EIPR1: variants seen among roughly 807,000 people sequenced by gnomAD.
EIPR1 encodes the protein EARP and GARP complex-interacting protein 1.
A neutral mutation model predicts 48.1 loss-of-function variants in EIPR1; 25 were observed. The ratio of observed to expected loss-of-function variants is 0.52; its 90% CI spans 0.38 to 0.73. The LOEUF (loss-of-function observed/expected upper bound fraction) is 0.73. EIPR1 is among the 30% of genes least tolerant of loss of function. EIPR1 has a pLI of 0.00. For missense variants in EIPR1, 415 were observed against 506.2 expected (o/e 0.82, Z 1.73); for synonymous variants, 204 against 201.9 (o/e 1.01, Z -0.09).
intron 4 of EIPR1, among the ~76,000 whole-genome samples, chr2:3,224,445 C>A (rs1242865542): frequency 6.6e-6 from 1 of 152,176 alleles, no homozygotes. Context: ...TACACACCTG[C>A]CCATCCAACC....
intron 3 of EIPR1, among the ~76,000 whole-genome samples, chr2:3,284,493 G>A (rs1668117345): frequency 6.6e-6 from 1 of 152,304 alleles, no homozygotes; most frequent in African/African-American, 2.4e-5. Flanking sequence ...GATGGGGCGG[G>A]AGGCCGGGTC....
intron 1 of EIPR1, among the ~76,000 whole-genome samples, chr2:3,363,068 T>A (rs1306317676): frequency 2.0e-5 from 3 of 152,112 alleles, no homozygotes; most frequent in Admixed American, 2.0e-4. Context: ...TTGGGGTAAA[T>A]GACAGCTCAA....
At chr2:3,367,956 A>T (rs1432453754) in intron 1 of EIPR1, among the ~76,000 whole-genome samples, 1 of 152,142 alleles carries the variant, frequency 6.6e-6, no homozygotes, top group Non-Finnish European at 1.5e-5. Flanking sequence ...GAGGCAGGAG[A>T]ATGGCGTGAA....
At chr2:3,310,609 C>T (rs915977760) in intron 3 of EIPR1, among the ~76,000 whole-genome samples, 2 of 146,608 alleles carry the variant, frequency 1.4e-5, no homozygotes, top group African/African-American at 2.5e-5. Flanking sequence ...GCCGAGATCC[C>T]GCCACTGCAC....
At chr2:3,203,202 A>C (rs1226228612) in intron 5 of EIPR1, among the ~76,000 whole-genome samples, 1 of 152,264 alleles carries the variant, frequency 6.6e-6, no homozygotes, top group Non-Finnish European at 1.5e-5. Context: ...TTAAAAGCTA[A>C]CAAGTGACAG....
At chr2:3,349,786 A>C (rs1409422783) in intron 2 of EIPR1, among the ~76,000 whole-genome samples, 1 of 152,154 alleles carries the variant, frequency 6.6e-6, no homozygotes, top group Admixed American at 6.5e-5. Flanking sequence ...GGACACAGAG[A>C]ATACTGTGAG....
At chr2:3,317,806 C>T (rs1266301042) in intron 3 of EIPR1, among the ~76,000 whole-genome samples, 1 of 152,142 alleles carries the variant, frequency 6.6e-6, no homozygotes, top group Non-Finnish European at 1.5e-5. Context: ...GAGGAGAGGC[C>T]ACATGATGCC....
Position 3,313,354 on chromosome 2 carries a change from G to T in EIPR1, c.259+24663C>A, listed in dbSNP as rs138462603. Among the ~76,000 whole-genome samples the T allele has an allele frequency of 3.3e-5, 5 of 151,438 alleles. No individual in the cohort carries two copies. In the East Asian group the frequency reaches 9.6e-4, roughly 29 times the overall value. On this transcript the variant is annotated intron_variant, in intron 3 of 8. Coordinates refer to ENST00000382125, the MANE Select transcript of EIPR1 (RefSeq NM_003310.5). ...GGCTGAGAGAGCAGCACAAAATGCC[G>T]CCTGAGAGTTAAAAAAGTGGGTGGG... is the stretch of plus-strand genomic sequence containing the variant.
chr2:3,256,809 T>TG (rs1461432078), intron 4 of EIPR1, among the ~76,000 whole-genome samples: 4 of 152,224 alleles, frequency 2.6e-5, no homozygotes, highest in African/African-American at 9.6e-5. Context: ...AAGCAGCGAC[T>TG]GGCCAGGGAG....
chr2:3,243,422 G>C (rs1274971387), intron 4 of EIPR1, among the ~76,000 whole-genome samples: 1 of 152,080 alleles, frequency 6.6e-6, no homozygotes, highest in East Asian at 1.9e-4. Context: ...CTGAGGTCAG[G>C]AGTTCGAAAC....
intron 1 of EIPR1, among the ~76,000 whole-genome samples, chr2:3,367,684 C>A (rs959260552): frequency 1.1e-4 from 17 of 152,088 alleles, no homozygotes; most frequent in African/African-American, 3.9e-4. Flanking sequence ...ATGTAACTGA[C>A]CAAAGAGATC....
chr2:3,369,284 T>C (rs183641245), intron 1 of EIPR1, among the ~76,000 whole-genome samples: 43 of 152,250 alleles, frequency 2.8e-4, no homozygotes, highest in African/African-American at 9.1e-4. Flanking sequence ...ACAGCTCCGG[T>C]CTAGAGCTCC....
intron 3 of EIPR1, among the ~76,000 whole-genome samples, chr2:3,302,968 GT>G (rs889755384): frequency 1.3e-5 from 2 of 152,178 alleles, no homozygotes; most frequent in Non-Finnish European, 2.9e-5. Context: ...ATCTGACTCC[GT>G]TTTTTTCATC....
Position 3,286,933 on chromosome 2 carries a change from C to T in EIPR1, c.260-29478G>A, listed in dbSNP as rs1161448805. Among the ~76,000 whole-genome samples, 4 of 142,378 alleles carry T rather than the reference C, an allele frequency of 2.8e-5. 1 individual carries two copies. Among genetic ancestry groups the T allele is most frequent in the East Asian group, 4.3e-4 (2 of 4,608 alleles). The allele number at this position is 142,378 out of a possible 152,430, so 93.4% of individuals were successfully genotyped here. On this transcript the variant is annotated intron_variant, in intron 3 of 8. Coordinates refer to ENST00000382125, the MANE Select transcript of EIPR1 (RefSeq NM_003310.5). This position sits in a 1 kb window ranked among gnomAD's most constrained non-coding sequence, Gnocchi z 4.2. ...ACAGAGTGCCAGCCGGCAGAGGGGG[C>T]GGTGGGGAGCACACAGAGTGCCAGC...
intron 3 of EIPR1, among the ~76,000 whole-genome samples, chr2:3,295,353 A>C (rs1668526594): frequency 9.5e-6 from 1 of 104,956 alleles, no homozygotes; most frequent in African/African-American, 3.9e-5. Context: ...CCTTCCATCC[A>C]GCCCATCCTC....
intron 3 of EIPR1, among the ~76,000 whole-genome samples, chr2:3,326,339 A>G (rs1038386787): frequency 6.6e-6 from 1 of 152,154 alleles, no homozygotes; most frequent in African/African-American, 2.4e-5. Context: ...AGAGCCGGTA[A>G]GCAGCAGAGG....
chr2:3,195,199 G>T (rs1021591506), intron 6 of EIPR1, among the ~76,000 whole-genome samples: 1 of 152,234 alleles, frequency 6.6e-6, no homozygotes, highest in Non-Finnish European at 1.5e-5. Context: ...CAGTGGCTTG[G>T]AACAAAAGGC....
At chr2:3,201,667 A>T (rs183388749) in intron 5 of EIPR1, among the ~76,000 whole-genome samples, 1 of 152,190 alleles carries the variant, frequency 6.6e-6, no homozygotes, top group Non-Finnish European at 1.5e-5. Flanking sequence ...AAGAAAACAG[A>T]GCTGGAAAAT....
At chr2:3,245,019 T>C (rs1316302601) in intron 4 of EIPR1, among the ~76,000 whole-genome samples, 1 of 152,228 alleles carries the variant, frequency 6.6e-6, no homozygotes. Flanking sequence ...TTTTGTATTA[T>C]GACTCTTCCT....
Sources: allele counts gnomAD v4.1 joint callset (sites outside exome capture counted in the v4.1 genomes callset), GRCh38; gene constraint gnomAD v4.1.1; non-coding constraint Gnocchi (gnomAD v3.1); transcripts MANE v1.5; gene names NCBI Gene and HGNC (gene_info 2026-07-23, HGNC 2026-07-21).